SGCZ: variants seen among roughly 807,000 people sequenced by gnomAD.
SGCZ encodes zeta-sarcoglycan.
In SGCZ, 40 loss-of-function variants were observed where a neutral mutation model predicts 41.3. The ratio of observed to expected loss-of-function variants is 0.97; its 90% confidence interval spans 0.75 to 1.26. The LOEUF (loss-of-function observed/expected upper bound fraction) is 1.26, where lower values mean the gene tolerates loss of function less well. Ranked by LOEUF, SGCZ falls within the 50% of genes most tolerant of loss-of-function variation. The pLI, the probability that SGCZ is intolerant of heterozygous loss-of-function variation, is 0.00. For missense variants in SGCZ, 552 were observed against 369.8 expected, an observed-to-expected ratio of 1.49 and a Z score of -4.04; for synonymous variants, 206 against 137.5, an observed-to-expected ratio of 1.50 and a Z score of -3.49.
chr8:14,116,738 G>C (rs553167737), intron 5 of SGCZ, among the ~76,000 whole-genome samples: 51 of 152,030 alleles, frequency 3.4e-4, no homozygotes, highest in Non-Finnish European at 6.8e-4. Flanking sequence ...ATTTTAGAAA[G>C]CTCCATTTAC....
At chr8:15,045,055 T>C (rs935519528) in intron 1 of SGCZ, among the ~76,000 whole-genome samples, 2 of 151,938 alleles carry the variant, frequency 1.3e-5, no homozygotes, top group Admixed American at 1.3e-4. Context: ...ATAAGCCATG[T>C]ACACAGGAAA....
rs924747724 is a variant in SGCZ at position 14,215,897 on chromosome 8, G to C, written c.424+21695C>G. On this transcript the variant is annotated intron_variant, in intron 4 of 7. Transcript: ENST00000382080. ...CGGGTGCAACCCGCAGACACTGGACGAAAGACAGATGAAGGAATGCACTCA... is the reference window on the plus strand; with the variant it reads ...CGGGTGCAACCCGCAGACACTGGACCAAAGACAGATGAAGGAATGCACTCA... 3.9e-5 allele frequency among the ~76,000 whole-genome samples: 6 copies of C among 152,208 alleles called. No homozygotes were observed. In the East Asian group the frequency reaches 5.8e-4, roughly 15 times the overall value.
chr8:14,635,402 T>TA (rs1585142682), intron 1 of SGCZ, among the ~76,000 whole-genome samples: 2 of 151,666 alleles, frequency 1.3e-5, no homozygotes, highest in Admixed American at 6.6e-5. Context: ...ACTTATAAAA[T>TA]AAAAAATCTC....
chr8:14,367,115 A>G (rs917624303), intron 2 of SGCZ, among the ~76,000 whole-genome samples: 8 of 152,052 alleles, frequency 5.3e-5, no homozygotes, highest in African/African-American at 1.7e-4. Flanking sequence ...AGATGCCCCA[A>G]ATCATCTTTC....
chr8:14,630,048 T>C (rs1484246753), intron 1 of SGCZ, among the ~76,000 whole-genome samples: 1 of 152,036 alleles, frequency 6.6e-6, no homozygotes, highest in Non-Finnish European at 1.5e-5. Context: ...GGGAAAAAAA[T>C]GTCTTTTCCC....
At chr8:14,982,157 CA>C (rs10710626) in intron 1 of SGCZ, among the ~76,000 whole-genome samples, 26,407 of 138,312 alleles carry the variant, frequency 0.19, 2,549 homozygotes, top group East Asian at 0.39. Flanking sequence ...GACTCTGTCT[CA>C]AAAAAAAAAA....
chr8:15,213,897 T>C (rs1801315950), intron 1 of SGCZ, among the ~76,000 whole-genome samples: 1 of 152,082 alleles, frequency 6.6e-6, no homozygotes, highest in Non-Finnish European at 1.5e-5. Flanking sequence ...TTCTAAGCTT[T>C]GCAGCTATGA....
chr8:14,300,634 G>T (rs1179797355), intron 3 of SGCZ, among the ~76,000 whole-genome samples: 2 of 152,020 alleles, frequency 1.3e-5, no homozygotes, highest in Non-Finnish European at 2.9e-5. Context: ...CTCACAATAA[G>T]TAATCGCTGG....
chr8:14,119,686 T>C (rs972464009), intron 5 of SGCZ, among the ~76,000 whole-genome samples: 1 of 152,182 alleles, frequency 6.6e-6, no homozygotes, highest in African/African-American at 2.4e-5. Context: ...CAGTATGATA[T>C]TAGCTGTGGG....
chr8:14,214,152 T>C (rs193126926), intron 4 of SGCZ, among the ~76,000 whole-genome samples: 8 of 152,234 alleles, frequency 5.3e-5, no homozygotes, highest in African/African-American at 1.7e-4. Flanking sequence ...GATAATATTG[T>C]GCTACTTCTG....
At chr8:14,412,153 T>C (rs1563312545) in intron 2 of SGCZ, among the ~76,000 whole-genome samples, 2 of 152,050 alleles carry the variant, frequency 1.3e-5, no homozygotes, top group South Asian at 2.1e-4. Flanking sequence ...CAATGAGAAA[T>C]AGTAATGTAA....
At chr8:14,165,444 A>C (rs998608003) in intron 4 of SGCZ, 1 of 152,138 alleles carries the variant, frequency 6.6e-6, no homozygotes, top group African/African-American at 2.4e-5. Flanking sequence ...TAGTTTGAGT[A>C]TTAGGCTTTG....
chr8:14,672,653 CAG>C (rs1331870529), intron 1 of SGCZ, among the ~76,000 whole-genome samples: 4 of 152,060 alleles, frequency 2.6e-5, no homozygotes, highest in South Asian at 2.1e-4. Context: ...TTGGAGGAAA[CAG>C]TGTTTGAATG....
intron 1 of SGCZ, among the ~76,000 whole-genome samples, chr8:14,726,714 A>C (rs1810067819): frequency 6.6e-6 from 1 of 152,150 alleles, no homozygotes; most frequent in African/African-American, 2.4e-5. Flanking sequence ...CACAATTAGC[A>C]AACTTGAATG....
At chr8:14,453,719 G>A (rs886261327) in intron 2 of SGCZ, among the ~76,000 whole-genome samples, 3 of 152,164 alleles carry the variant, frequency 2.0e-5, no homozygotes, top group Admixed American at 6.5e-5. Context: ...GGGCAAAAGC[G>A]AGAATGTTCT....
At chr8:14,310,879 C>T (rs1226508286) in intron 3 of SGCZ, among the ~76,000 whole-genome samples, 2 of 152,016 alleles carry the variant, frequency 1.3e-5, no homozygotes, top group Admixed American at 6.6e-5. Context: ...TCAGGGTAGA[C>T]CAAATTTCAG....
chr8:14,635,366 G>A (rs1442622315), intron 1 of SGCZ, among the ~76,000 whole-genome samples: 1 of 151,786 alleles, frequency 6.6e-6, no homozygotes, highest in African/African-American at 2.4e-5. Context: ...TTTTAGCAAT[G>A]ATCTCACTTA....
chr8:15,221,012 G>A (rs533998017), intron 1 of SGCZ, among the ~76,000 whole-genome samples: 18 of 152,138 alleles, frequency 1.2e-4, no homozygotes, highest in South Asian at 4.2e-4. Flanking sequence ...GGGGCCGGTC[G>A]TCGGGTAGGG....
At chr8:14,796,289 A>C (rs888544150) in intron 1 of SGCZ, among the ~76,000 whole-genome samples, 2 of 152,018 alleles carry the variant, frequency 1.3e-5, no homozygotes, top group Non-Finnish European at 2.9e-5. Context: ...CTGCTGTTTT[A>C]CTTTTTATTT....
Sources: gnomAD v4.1 joint callset for allele counts (sites outside exome capture counted in the v4.1 genomes callset) on GRCh38, gnomAD v4.1.1 for gene constraint, MANE v1.5 for transcripts, NCBI Gene and HGNC (gene_info 2026-07-23, HGNC 2026-07-21) for gene names.